Variants in SLC39A10 observed in about 807,000 individuals in gnomAD.
SLC39A10 encodes zinc transporter ZIP10.
In SLC39A10, 13 loss-of-function variants were observed where a neutral mutation model predicts 65.1. That is an observed-to-expected ratio of 0.20 (90% CI 0.13 to 0.32). The LOEUF is 0.32. Among genes scored for constraint, SLC39A10 ranks in the 10% least tolerant of loss-of-function variants. SLC39A10 has a pLI of 1.00. For missense variants in SLC39A10, 831 were observed against 1,018.4 expected, an observed-to-expected ratio of 0.82 and a Z score of 2.50; for synonymous variants, 321 against 342.2, an observed-to-expected ratio of 0.94 and a Z score of 0.68.
At chr2:195,664,050 AAAT>A (rs1458955759) in intron 1 of SLC39A10, among the ~76,000 whole-genome samples, 4 of 152,324 alleles carry the variant, frequency 2.6e-5, no homozygotes, top group Admixed American at 6.5e-5. Flanking sequence ...ATTTTCAAGC[AAAT>A]AATCATGCCA....
chr2:195,698,709 A>G (rs1016912927), intron 3 of SLC39A10, among the ~76,000 whole-genome samples: 1 of 150,758 alleles, frequency 6.6e-6, no homozygotes, highest in Non-Finnish European at 1.5e-5. Context: ...TTTATTTGCT[A>G]GTTTTTTTTT....
At chr2:195,623,939 A>ACACC (rs1260706216) in intron 2 of SLC39A10, among the ~76,000 whole-genome samples, 24 of 141,048 alleles carry the variant, frequency 1.7e-4, no homozygotes, top group African/African-American at 5.6e-4. Flanking sequence ...ACACACACAC[A>ACACC]CCGTCTTAGA....
Position 195,680,552 on chromosome 2 carries a change from T to A in SLC39A10, c.510T>A (p.His170Gln). 1 of 1,614,128 alleles carries A rather than the reference T, an allele frequency of 6.2e-7. No homozygotes were observed. The part of the protein sequence containing the change: ...VEVSVKSDDK[H>Q]MHDHNHRLRH... ...TGTCTGTAAAATCTGATGATAAACA[T>A]ATGCATGACCATAATCACCGCCTAC... Residue 170 changes from histidine (H) to glutamine (Q), a missense_variant, in exon 2 of 10, where the codon CAT becomes CAA. Around this residue, in one of 4 missense-constraint regions of SLC39A10, gnomAD observed 446 missense variants for 499.2 expected, o/e 0.89. Transcript: ENST00000359634.
chr2:195,666,632 A>G (rs1240104040), intron 1 of SLC39A10, among the ~76,000 whole-genome samples: 2 of 152,074 alleles, frequency 1.3e-5, no homozygotes, highest in African/African-American at 4.8e-5. Flanking sequence ...CTAATTTTTA[A>G]AACATTTTCT....
chr2:195,710,407 T>C (rs1171004286), intron 5 of SLC39A10, among the ~76,000 whole-genome samples: 1 of 152,242 alleles, frequency 6.6e-6, no homozygotes, highest in Non-Finnish European at 1.5e-5. Context: ...ATGGTCAAGA[T>C]CTTAAAGATG....
At chr2:195,638,498 C>G (rs1688736908) in intron 2 of SLC39A10, among the ~76,000 whole-genome samples, 1 of 151,880 alleles carries the variant, frequency 6.6e-6, no homozygotes, top group Non-Finnish European at 1.5e-5. Context: ...TGCCACCACA[C>G]TCGGCTAATT....
intron 3 of SLC39A10, among the ~76,000 whole-genome samples, chr2:195,688,118 C>T (rs779721494): frequency 3.3e-5 from 5 of 152,210 alleles, no homozygotes; most frequent in East Asian, 1.9e-4. Flanking sequence ...AGACATTTGG[C>T]GCTTTTTTAT....
intron 3 of SLC39A10, among the ~76,000 whole-genome samples, chr2:195,703,193 G>GT (rs1691259134): frequency 1.3e-5 from 2 of 152,130 alleles, no homozygotes; most frequent in Admixed American, 6.5e-5. Context: ...GATTATTAAA[G>GT]TTTTTTCTAG....
intron 1 of SLC39A10, among the ~76,000 whole-genome samples, chr2:195,663,430 A>G (rs540895880): frequency 1.0e-3 from 153 of 152,334 alleles, no homozygotes; most frequent in Admixed American, 2.0e-3. Context: ...TTATTTAAAT[A>G]CTTTATCAAT....
chr2:195,690,549 T>G (rs1468931038), intron 3 of SLC39A10, among the ~76,000 whole-genome samples: 2 of 152,220 alleles, frequency 1.3e-5, no homozygotes, highest in Admixed American at 6.5e-5. Flanking sequence ...ACTTGTTTTC[T>G]TGATAGTAGT....
Position 195,735,133 on chromosome 2 carries a change from T to G in SLC39A10, c.*92T>G. 1 of 1,349,518 alleles carries G rather than the reference T, an allele frequency of 7.4e-7. No homozygotes were observed. Among genetic ancestry groups the G allele is most frequent in the East Asian group, 2.6e-5 (1 of 39,078 alleles). The allele number at this position is 1,349,518 out of a possible 1,614,324, so 83.6% of individuals were successfully genotyped here. On this transcript the variant is annotated 3_prime_UTR_variant, in exon 10 of 10. Coordinates refer to ENST00000359634, the MANE Select transcript of SLC39A10 (RefSeq NM_020342.3). The stretch of plus-strand genomic sequence containing the variant: ...TGTATGCACATTGCTCAAAGGAAAG[T>G]CAGTGGCTTGCACTACTTACAAGTT...
chr2:195,696,548 A>G (rs576329009), intron 3 of SLC39A10, among the ~76,000 whole-genome samples: 38 of 152,270 alleles, frequency 2.5e-4, no homozygotes, highest in African/African-American at 9.1e-4. Flanking sequence ...CTATTTGCAT[A>G]GCATTTATAT....
intron 2 of SLC39A10, among the ~76,000 whole-genome samples, chr2:195,631,424 C>T (rs1158219290): frequency 1.3e-5 from 2 of 151,900 alleles, no homozygotes; most frequent in Non-Finnish European, 2.9e-5. Context: ...TTGTTGATAA[C>T]CACCCATTTT....
intron 6 of SLC39A10, among the ~76,000 whole-genome samples, chr2:195,714,570 G>C (rs1691716310): frequency 6.6e-6 from 1 of 151,986 alleles, no homozygotes; most frequent in Admixed American, 6.6e-5. Context: ...CTCCCCCTCA[G>C]ATTATCTTCT....
In SLC39A10 at chr2:195,706,672, G is replaced by T. The variant is rs779765683; in HGVS notation, c.1273G>T (p.Val425Leu). Residue 425 changes from valine (V) to leucine (L), a missense_variant, in exon 4 of 10, where the codon GTG becomes TTG. By Grantham distance (32) the Val-to-Leu change is conservative. Transcript: ENST00000359634. Reference sequence around the variant, plus strand: ...CATTAGCCTGCTTTCCTTGCTAGGCGTGATCTTGGTTCCTATCATTAACCA... The same window carrying T: ...CATTAGCCTGCTTTCCTTGCTAGGCTTGATCTTGGTTCCTATCATTAACCA... ...TVISLLSLLG[V>L]ILVPIINQGC... 2 of 1,610,620 alleles carry T rather than the reference G, an allele frequency of 1.2e-6. No individual in the cohort carries two copies. Among genetic ancestry groups the T allele is most frequent in the Admixed American group, 3.4e-5 (2 of 59,598 alleles).
chr2:195,631,514 C>CA (rs1688585398), intron 2 of SLC39A10, among the ~76,000 whole-genome samples: 1 of 151,824 alleles, frequency 6.6e-6, no homozygotes, highest in African/African-American at 2.4e-5. Flanking sequence ...AAAGTGTTTC[C>CA]AAAAAATATC....
In SLC39A10 at chr2:195,651,210, C is replaced by G. The variant is rs369531174; in HGVS notation, c.-11-28822C>G. 5.3e-5 allele frequency among the ~76,000 whole-genome samples: 8 copies of G among 152,136 alleles called. No individual in the cohort carries two copies. In the East Asian group the frequency reaches 1.2e-3, roughly 22 times the overall value. ...GCTTGCCAAAAATGAGATGGTAGAG[C>G]CATAATTTCTCAGGGATCAGAAAAA... On this transcript the variant is annotated intron_variant, in intron 2 of 2. Coordinates refer to the SLC39A10 transcript ENST00000458054.
At chr2:195,707,988 C>T (rs1223901706) in intron 4 of SLC39A10, among the ~76,000 whole-genome samples, 1 of 152,116 alleles carries the variant, frequency 6.6e-6, no homozygotes. Flanking sequence ...CTTTTCTATA[C>T]ATACATTTAT....
At chr2:195,617,112 C>A (rs1309686891) in intron 2 of SLC39A10, among the ~76,000 whole-genome samples, 2 of 152,196 alleles carry the variant, frequency 1.3e-5, no homozygotes, top group Middle Eastern at 3.4e-3. Context: ...TAAATGAATT[C>A]TTCGATAGTG....
Sources: allele counts gnomAD v4.1 joint callset (sites outside exome capture counted in the v4.1 genomes callset), GRCh38; gene constraint gnomAD v4.1.1; regional missense constraint gnomAD v4.1.1; transcripts MANE v1.5; gene names NCBI Gene and HGNC (gene_info 2026-07-23, HGNC 2026-07-21).